The following PCDHGA10 variants were observed in gnomAD, a reference collection of about 807,000 sequenced individuals.
The protein encoded by PCDHGA10 is protocadherin gamma subfamily A, 10, also known as protocadherin gamma-A10.
PCDHGA10 carries 42 observed loss-of-function variants against 59.5 expected under a neutral mutation model. That is an observed-to-expected ratio of 0.71 (90% CI 0.55 to 0.91). PCDHGA10 has a LOEUF of 0.91. PCDHGA10 is among the 40% of genes least tolerant of loss of function. The pLI is 0.00. For missense variants in PCDHGA10, 1,111 were observed against 1,198.2 expected, an observed-to-expected ratio of 0.93 and a Z score of 1.07; for synonymous variants, 511 against 517.2, an observed-to-expected ratio of 0.99 and a Z score of 0.16.
In PCDHGA10 at chr5:141,462,551, G is replaced by C. The variant is rs57555347; in HGVS notation, c.2437-32256G>C. 8.3e-3 allele frequency among the ~76,000 whole-genome samples: 1,259 copies of C among 151,854 alleles called. 17 individuals carry two copies. The highest frequency in any genetic ancestry group is 0.029 in the African/African-American group (1,196 of 41,422). ...TTGTTCAGTGATCTTTTCTTCTTCA[G>C]TGTTTACTGTATTTGCTAATCCCAT... On this transcript the variant is annotated intron_variant, in intron 1 of 3. Transcript: ENST00000398610.
chr5:141,420,968 T>A (rs1031890748), intron 1 of PCDHGA10: 1 of 441,548 alleles, frequency 2.3e-6, no homozygotes, highest in Non-Finnish European at 4.0e-6. Context: ...GTTGCAATAA[T>A]AAGAATGGGC....
rs1360494290 is a variant in PCDHGA10 at position 141,433,285 on chromosome 5, C to T, written c.2436+17674C>T. On this transcript the variant is annotated intron_variant, in intron 1 of 3. Coordinates refer to ENST00000398610, the MANE Select transcript of PCDHGA10 (RefSeq NM_018913.3). ...CATAGCTCACTGCAGCCTCAAACTCCTAGGCTCAAGCAATTATCCCACCTT... is the reference window on the plus strand; with the variant it reads ...CATAGCTCACTGCAGCCTCAAACTCTTAGGCTCAAGCAATTATCCCACCTT... The T allele has an allele frequency of 6.8e-6, 8 of 1,169,708 alleles. No individual in the cohort carries two copies. In the East Asian group the frequency reaches 1.7e-4, roughly 25 times the overall value. The allele number at this position is 1,169,708 out of a possible 1,614,324, so 72.5% of individuals were successfully genotyped here. A position where few individuals can be genotyped will look rare whatever the true frequency, so the allele number is the denominator to read the frequency against.
chr5:141,443,417 T>C (rs1429905201), intron 1 of PCDHGA10, among the ~76,000 whole-genome samples: 3 of 152,132 alleles, frequency 2.0e-5, no homozygotes, highest in East Asian at 1.9e-4. Context: ...TCTGGGGAGA[T>C]TGAAGCTGCA....
intron 1 of PCDHGA10, among the ~76,000 whole-genome samples, chr5:141,481,063 C>T (rs2154578481): frequency 6.6e-6 from 1 of 151,952 alleles, no homozygotes; most frequent in Middle Eastern, 3.4e-3. Context: ...ACCTCAAAAA[C>T]AAAAAGAAAG....
intron 1 of PCDHGA10, among the ~76,000 whole-genome samples, chr5:141,474,922 C>G (rs748864870): frequency 3.9e-5 from 6 of 152,238 alleles, no homozygotes; most frequent in Non-Finnish European, 8.8e-5. Flanking sequence ...CATCTCATCT[C>G]TGGCTTATAT....
chr5:141,421,736 G>A lies in PCDHGA10; in HGVS notation c.2436+6125G>A, dbSNP rs767237323. 5.3e-5 allele frequency: 86 copies of A among 1,613,810 alleles called. No individual in the cohort carries two copies. The highest frequency in any genetic ancestry group is 6.9e-5 in the Non-Finnish European group (82 of 1,179,858). Reference sequence around the variant, plus strand: ...GATGTGGGCGTGAACTCCCTCCAGAGCTACCAGCTCAGCCCTAATAATTAC... The same window carrying A: ...GATGTGGGCGTGAACTCCCTCCAGAACTACCAGCTCAGCCCTAATAATTAC... On this transcript the variant is annotated intron_variant, in intron 1 of 3. Transcript: ENST00000398610.
chr5:141,445,302 A>C (rs2098462947), intron 1 of PCDHGA10, among the ~76,000 whole-genome samples: 1 of 152,220 alleles, frequency 6.6e-6, no homozygotes, highest in African/African-American at 2.4e-5. Flanking sequence ...CATTCTCTTC[A>C]GTTTGTAGGT....
intron 1 of PCDHGA10, among the ~76,000 whole-genome samples, chr5:141,482,057 C>A (rs2099551189): frequency 6.7e-6 from 1 of 149,978 alleles, no homozygotes; most frequent in Non-Finnish European, 1.5e-5. Flanking sequence ...TGCATTCCAG[C>A]CTGGGCAACA....
Position 141,486,397 on chromosome 5 carries a change from G to A in PCDHGA10, c.2437-8410G>A, listed in dbSNP as rs778989869. The A allele has an allele frequency of 5.0e-6, 8 of 1,614,046 alleles. No individual in the cohort carries two copies. The South Asian group carries it at 7.7e-5, about 16-fold the overall frequency. ...CCTTCAGGAACCAGTTCTCCCTGGT[G>A]ACTGCTGGACCCTTGGATCGAGAGG... On this transcript the variant is annotated intron_variant, in intron 1 of 3. Transcript: ENST00000398610. The surrounding 1 kb of genome is among the most constrained non-coding windows in gnomAD (Gnocchi z 5.0).
chr5:141,441,772 TG>T, intron 1 of PCDHGA10: 1 of 388,268 alleles, frequency 2.6e-6, no homozygotes, highest in South Asian at 2.0e-5. Flanking sequence ...CGCGTGTTGG[TG>T]GACGACCTGA....
intron 1 of PCDHGA10, among the ~76,000 whole-genome samples, chr5:141,457,612 G>T (rs1011626121): frequency 1.8e-4 from 27 of 152,232 alleles, no homozygotes; most frequent in Non-Finnish European, 2.9e-4. Flanking sequence ...AATTATGAAT[G>T]AACTTTAATC....
At chr5:141,465,318 A>G (rs1440554123) in intron 1 of PCDHGA10, among the ~76,000 whole-genome samples, 1 of 152,198 alleles carries the variant, frequency 6.6e-6, no homozygotes, top group Non-Finnish European at 1.5e-5. Flanking sequence ...AGCCATGTCA[A>G]TGCAGTATTT....
At chr5:141,451,640 G>A (rs2098720679) in intron 1 of PCDHGA10, among the ~76,000 whole-genome samples, 1 of 152,166 alleles carries the variant, frequency 6.6e-6, no homozygotes, top group South Asian at 2.1e-4. Context: ...CCAGCACTCT[G>A]AGAGGCCAAG....
In PCDHGA10 at chr5:141,511,149, G is replaced by T; in HGVS notation, c.2787G>T (p.Lys929Asn). The change falls in exon 4 of 4, where the codon AAG becomes AAT. Residue 929 changes from lysine to asparagine, a missense_variant. By Grantham distance (94) the Lys-to-Asn change is moderately conservative. Transcript: ENST00000398610. ...APAGGNGNKKKSGKKEKK is the reference protein window; with the variant it reads ...APAGGNGNKKNSGKKEKK The stretch of plus-strand genomic sequence containing the variant: ...CAGGTGGCAATGGCAACAAGAAGAA[G>T]TCGGGCAAGAAGGAGAAGAAGTAAC... 1 of 1,614,176 alleles carries T rather than the reference G, an allele frequency of 6.2e-7. No homozygotes were observed. The highest frequency in any genetic ancestry group is 8.5e-7 in the Non-Finnish European group (1 of 1,179,998).
intron 1 of PCDHGA10, chr5:141,422,371 C>T (rs866886181): frequency 6.4e-7 from 1 of 1,567,212 alleles, no homozygotes; most frequent in South Asian, 1.2e-5. Context: ...AGAAAATGGT[C>T]AAGTCTCCTG....
At chr5:141,467,134 C>T (rs905270517) in intron 1 of PCDHGA10, among the ~76,000 whole-genome samples, 19 of 151,750 alleles carry the variant, frequency 1.3e-4, no homozygotes, top group African/African-American at 4.6e-4. Flanking sequence ...CTCACTGCAA[C>T]CTCTGCCTCC....
In PCDHGA10 at chr5:141,423,081, C is replaced by T. The variant is rs1393904828; in HGVS notation, c.2436+7470C>T. 3.1e-6 allele frequency: 5 copies of T among 1,613,966 alleles called. No individual in the cohort carries two copies. The African/African-American group carries it at 4.0e-5, about 13-fold the overall frequency. ...TTAAGGCCAGCGAGCCGGGACTCTT[C>T]GCGGTGGGGGAGCACACGGGCGAGG... is the stretch of plus-strand genomic sequence containing the variant. On this transcript the variant is annotated intron_variant, in intron 1 of 3. Coordinates refer to ENST00000398610, the MANE Select transcript of PCDHGA10 (RefSeq NM_018913.3).
intron 1 of PCDHGA10, among the ~76,000 whole-genome samples, chr5:141,472,243 T>A (rs1276064128): frequency 6.6e-6 from 1 of 152,190 alleles, no homozygotes; most frequent in East Asian, 1.9e-4. Context: ...TCACTTTCTA[T>A]TTTAAAGTTA....
At position 141,491,134 on chromosome 5, in the gene PCDHGA10, C is replaced by T. The variant is rs1594979273; in HGVS notation, c.2437-3673C>T. Reference sequence around the variant, plus strand: ...ACACACTGGTGAGGTGCGCACAGCCCGGGCCTTACTGGAGGATGACTCTGA... The same window carrying T: ...ACACACTGGTGAGGTGCGCACAGCCTGGGCCTTACTGGAGGATGACTCTGA... On this transcript the variant is annotated intron_variant, in intron 1 of 3. Transcript: ENST00000398610. The surrounding 1 kb of genome is among the most constrained non-coding windows in gnomAD (Gnocchi z 6.9). The T allele has an allele frequency of 6.2e-7, 1 of 1,614,138 alleles. No homozygotes were observed. Among genetic ancestry groups the T allele is most frequent in the Non-Finnish European group, 8.5e-7 (1 of 1,179,994 alleles).
Sources: allele counts gnomAD v4.1 joint callset (sites outside exome capture counted in the v4.1 genomes callset), GRCh38; gene constraint gnomAD v4.1.1; non-coding constraint Gnocchi (gnomAD v3.1); transcripts MANE v1.5; gene names NCBI Gene and HGNC (gene_info 2026-07-23, HGNC 2026-07-21).